Variants in IFIT1 observed in about 807,000 individuals in gnomAD.
IFIT1 encodes the protein interferon induced protein with tetratricopeptide repeats 1, also known as antiviral innate immune response effector IFIT1.
IFIT1 carries 1 observed loss-of-function variant against 2.5 expected under a neutral mutation model. The ratio of observed to expected loss-of-function variants is 0.40; its 90% CI spans 0.14 to 1.92. IFIT1 has a LOEUF of 1.92. Among genes scored for constraint, IFIT1 ranks in the 40% most tolerant of loss-of-function variants. The probability of loss-of-function intolerance (pLI) is 0.31; values close to 1 mark genes in which losing one functional copy is unlikely to be tolerated. For synonymous variants in IFIT1, 191 were observed against 201.7 expected, an observed-to-expected ratio of 0.95 and a Z score of 0.45; for missense variants, 508 against 557.8, an observed-to-expected ratio of 0.91 and a Z score of 0.90.
chr10:89,394,577 AATAT>A lies in IFIT1; in HGVS notation c.5+1908_5+1911del, dbSNP rs200060906. On this transcript the variant is annotated intron_variant, in intron 1 of 1. Coordinates refer to ENST00000371804, the MANE Select transcript of IFIT1 (RefSeq NM_001548.5). ...TTTATGTCAATATGTACTACAGGAA[AATAT>A]ATATATATATATATATATATATATA... Among the ~76,000 whole-genome samples, 378 of 108,564 alleles carry A rather than the reference AATAT, an allele frequency of 3.5e-3. 4 individuals carry two copies. The highest frequency in any genetic ancestry group is 5.3e-3 in the South Asian group (18 of 3,404). The allele number at this position is 108,564 out of a possible 152,430, so 71.2% of individuals were successfully genotyped here.
chr10:89,402,902 T>C lies in IFIT1; in HGVS notation c.627T>C (p.Ala209=). The change falls in exon 2 of 2, where the codon GCT becomes GCC. Residue 209 remains alanine (A), a synonymous_variant. Transcript: ENST00000371804. The stretch of plus-strand genomic sequence containing the variant: ...TTTCTTTGCTTCCCCTAAGGCAGGC[T>C]GTCCGCTTAAATCCAGACAATGGAT... The part of the protein sequence containing the change: ...KPFSLLPLRQ[A]VRLNPDNGYI... 6.2e-7 allele frequency: 1 copy of C among 1,614,240 alleles called. No homozygotes were observed. Among genetic ancestry groups the C allele is most frequent in the Non-Finnish European group, 8.5e-7 (1 of 1,180,044 alleles).
rs781112450 is a variant in IFIT1 at position 89,402,752 on chromosome 10, G to A, written c.477G>A (p.Arg159=). 5.6e-6 allele frequency: 9 copies of A among 1,614,062 alleles called. No homozygotes were observed. Among genetic ancestry groups the A allele is most frequent in the Admixed American group, 3.3e-5 (2 of 60,012 alleles). Residue 159 remains arginine, a synonymous_variant, in exon 2 of 2, where the codon CGG becomes CGA. Transcript: ENST00000371804. ...AGTGTGGAGGAAAAAATTATGAACG[G>A]GCCAAGGCCTGCTTTGAAAAGGTGC... ...LLKCGGKNYE[R]AKACFEKVLE... is the part of the protein sequence containing the mutation.
chr10:89,394,604 A>T (rs1431454097), intron 1 of IFIT1, among the ~76,000 whole-genome samples: 26 of 48,128 alleles, frequency 5.4e-4, no homozygotes, highest in African/African-American at 5.3e-3. Flanking sequence ...ATATATATAT[A>T]TATATATATA....
chr10:89,400,201 A>G (rs534579839), intron 1 of IFIT1, among the ~76,000 whole-genome samples: 1 of 152,352 alleles, frequency 6.6e-6, no homozygotes, highest in East Asian at 1.9e-4. Flanking sequence ...TTTTGAAATC[A>G]GAATGTGTGA....
In IFIT1 at chr10:89,403,900, GA is replaced by G. The variant is rs1195610929; in HGVS notation, c.*191del. The G allele has an allele frequency of 9.3e-5, 47 of 505,082 alleles. 1 individual carries two copies. Among genetic ancestry groups the G allele is most frequent in the Non-Finnish European group, 1.5e-4 (43 of 289,752 alleles). 31.3% of individuals were successfully genotyped at this position (505,082 alleles called of 1,614,324 possible). ...AAACAGAATGTGTGTATGCATGTAA[GA>G]AAGAGAAATCATTTGTATGAGTGCT... On this transcript the variant is annotated 3_prime_UTR_variant, in exon 2 of 2. Coordinates refer to ENST00000371804, the MANE Select transcript of IFIT1 (RefSeq NM_001548.5).
chr10:89,396,782 G>A (rs976079672), intron 1 of IFIT1, among the ~76,000 whole-genome samples: 3 of 152,228 alleles, frequency 2.0e-5, no homozygotes, highest in Non-Finnish European at 4.4e-5. Context: ...CTTACTGGGT[G>A]AGAAGTGATA....
rs1182005495 is a variant in IFIT1 at position 89,402,367 on chromosome 10, A to T, written c.92A>T (p.Glu31Val). 2.5e-6 allele frequency: 4 copies of T among 1,614,180 alleles called. No individual in the cohort carries two copies. Among genetic ancestry groups the T allele is most frequent in the Admixed American group, 1.7e-5 (1 of 60,024 alleles). ...FTWELSIDDD[E>V]MPDLENRVLD... ...TGGGAGTTATCCATTGATGACGATGAAATGCCTGATTTAGAAAACAGAGTC... is the reference window on the plus strand; with the variant it reads ...TGGGAGTTATCCATTGATGACGATGTAATGCCTGATTTAGAAAACAGAGTC... The change falls in exon 2 of 2, where the codon GAA (glutamate) becomes GTA (valine). Residue 31 changes from glutamate to valine, a missense_variant. Glu to Val is a moderately radical substitution (Grantham distance 121). Transcript: ENST00000371804.
At chr10:89,400,221 C>A (rs1181637898) in intron 1 of IFIT1, among the ~76,000 whole-genome samples, 1 of 152,154 alleles carries the variant, frequency 6.6e-6, no homozygotes, top group Non-Finnish European at 1.5e-5. Context: ...AGACATCCAA[C>A]TTTGTTCTTC....
chr10:89,403,918 A>ATGAGTGC lies in IFIT1; in HGVS notation c.*208_*214dup. On this transcript the variant is annotated 3_prime_UTR_variant, in exon 2 of 2. Transcript: ENST00000371804. ...CATGTAAGAAAGAGAAATCATTTGT[A>ATGAGTGC]TGAGTGCTATGTAGTAGAGAAAAAA... 2.0e-6 allele frequency: 1 copy of ATGAGTGC among 496,444 alleles called. No homozygotes were observed. The allele number at this position is 496,444 out of a possible 1,614,324, so 30.8% of individuals were successfully genotyped here.
In IFIT1 at chr10:89,401,205, C is replaced by T. The variant is rs138157019; in HGVS notation, c.6-1076C>T. ...GATCTCAGCTCACTGCAACCTCTGC[C>T]TCTCAGACTCAAGCGATTCTCCTGC... On this transcript the variant is annotated intron_variant, in intron 1 of 1. Coordinates refer to ENST00000371804, the MANE Select transcript of IFIT1 (RefSeq NM_001548.5). Among the ~76,000 whole-genome samples the T allele has an allele frequency of 5.5e-3, 829 of 152,042 alleles. 12 individuals are homozygous for T. Among genetic ancestry groups the T allele is most frequent in the East Asian group, 0.042 (215 of 5,164 alleles).
At chr10:89,394,597 T>C (rs1297333767) in intron 1 of IFIT1, among the ~76,000 whole-genome samples, 2 of 19,080 alleles carry the variant, frequency 1.0e-4, no homozygotes, top group African/African-American at 6.2e-4. Context: ...TATATATATA[T>C]ATATATATAT....
At position 89,405,357 on chromosome 10, in the gene IFIT1, A is replaced by C. The variant is rs1844513293; in HGVS notation, c.*1645A>C. 1 of 152,362 alleles carries C rather than the reference A, an allele frequency of 6.6e-6. No homozygotes were observed. Among genetic ancestry groups the C allele is most frequent in the East Asian group, 1.9e-4 (1 of 5,194 alleles). The allele number at this position is 152,362 out of a possible 1,614,324, so 9.4% of individuals were successfully genotyped here. A position where few individuals can be genotyped will look rare whatever the true frequency, so the allele number is the denominator to read the frequency against. On this transcript the variant is annotated 3_prime_UTR_variant, in exon 2 of 2. Transcript: ENST00000371804. The stretch of plus-strand genomic sequence containing the variant: ...GATTATGAATAATCATATTTTATTG[A>C]AAGGCAAGGCACAACAAATAATAAG...
chr10:89,394,043 T>A (rs926399431), intron 1 of IFIT1, among the ~76,000 whole-genome samples: 1 of 152,212 alleles, frequency 6.6e-6, no homozygotes, highest in African/African-American at 2.4e-5. Context: ...TACACAGTCA[T>A]GCATCGTGTA....
chr10:89,394,619 T>G (rs1844313254), intron 1 of IFIT1, among the ~76,000 whole-genome samples: 1 of 29,018 alleles, frequency 3.4e-5, no homozygotes, highest in Admixed American at 3.5e-4. Flanking sequence ...TATATATATA[T>G]ATATATATAA....
At chr10:89,400,221 C>T (rs1181637898) in intron 1 of IFIT1, among the ~76,000 whole-genome samples, 1 of 152,154 alleles carries the variant, frequency 6.6e-6, no homozygotes, top group African/African-American at 2.4e-5. Flanking sequence ...AGACATCCAA[C>T]TTTGTTCTTC....
Position 89,402,342 on chromosome 10 carries a change from T to A in IFIT1, c.67T>A (p.Trp23Arg), listed in dbSNP as rs755019351. 1.4e-5 allele frequency: 22 copies of A among 1,614,184 alleles called. No homozygotes were observed. The highest frequency in any genetic ancestry group is 1.8e-5 in the Non-Finnish European group (21 of 1,180,000). Reference sequence around the variant, plus strand: ...GGAGCAATTGAGATGTCACTTTACATGGGAGTTATCCATTGATGACGATGA... The same window carrying A: ...GGAGCAATTGAGATGTCACTTTACAAGGGAGTTATCCATTGATGACGATGA... ...SLEQLRCHFT[W>R]ELSIDDDEMP... Residue 23 changes from tryptophan to arginine, a missense_variant, in exon 2 of 2, where the codon TGG (tryptophan) becomes AGG (arginine). Physicochemically the swap from Trp to Arg is moderately radical, Grantham distance 101. Transcript: ENST00000371804.
At position 89,403,316 on chromosome 10, in the gene IFIT1, A is replaced by G. The variant is rs770606189; in HGVS notation, c.1041A>G (p.Ala347=). 41 of 1,613,796 alleles carry G rather than the reference A, an allele frequency of 2.5e-5. No individual in the cohort carries two copies. Among genetic ancestry groups the G allele is most frequent in the Non-Finnish European group, 3.4e-5 (40 of 1,180,014 alleles). ...TTGAGGTGGCTCATCTAGACCTGGC[A>G]AGAATGTATATAGAAGCAGGCAATC... ...PTFEVAHLDL[A]RMYIEAGNHR... The change falls in exon 2 of 2, where the codon GCA becomes GCG. Residue 347 remains alanine (A), a synonymous_variant. Coordinates refer to ENST00000371804, the MANE Select transcript of IFIT1 (RefSeq NM_001548.5).
At position 89,403,464 on chromosome 10, in the gene IFIT1, A is replaced by T. The variant is rs771744609; in HGVS notation, c.1189A>T (p.Asn397Tyr). The T allele has an allele frequency of 6.2e-7, 1 of 1,613,488 alleles. No individual in the cohort carries two copies. Among genetic ancestry groups the T allele is most frequent in the Non-Finnish European group, 8.5e-7 (1 of 1,179,644 alleles). ...GGAATTTCAAAAGAAATCTGACGTCAATGCAATTATCCATTATTTAAAAGC... is the reference window on the plus strand; with the variant it reads ...GGAATTTCAAAAGAAATCTGACGTCTATGCAATTATCCATTATTTAAAAGC... ...FQEFQKKSDVNAIIHYLKAIK... is the reference protein window; with the variant it reads ...FQEFQKKSDVYAIIHYLKAIK... Residue 397 changes from asparagine to tyrosine, a missense_variant, in exon 2 of 2, where the codon AAT becomes TAT. Transcript: ENST00000371804.
chr10:89,399,672 C>T (rs1285378122), intron 1 of IFIT1, among the ~76,000 whole-genome samples: 1 of 152,172 alleles, frequency 6.6e-6, no homozygotes, highest in Non-Finnish European at 1.5e-5. Context: ...GAAAATCATT[C>T]CACCATTGTT....
Sources: gnomAD v4.1 joint callset for allele counts (sites outside exome capture counted in the v4.1 genomes callset) on GRCh38, gnomAD v4.1.1 for gene constraint, MANE v1.5 for transcripts, NCBI Gene and HGNC (gene_info 2026-07-23, HGNC 2026-07-21) for gene names.